Variants in GRTP1 observed in about 807,000 individuals in gnomAD.
GRTP1 encodes growth hormone regulated TBC protein 1, also known as growth hormone-regulated TBC protein 1.
Under a neutral mutation model 38.1 loss-of-function variants are expected in GRTP1, and 56 were observed. That is an observed-to-expected ratio of 1.47 (90% CI 1.19 to 1.84). The LOEUF is 1.84. Among genes scored for constraint, GRTP1 ranks in the 40% most tolerant of loss-of-function variants. The pLI is 0.00. For synonymous variants in GRTP1, 217 were observed against 189.5 expected, an observed-to-expected ratio of 1.14 and a Z score of -1.19; for missense variants, 506 against 453.9, an observed-to-expected ratio of 1.11 and a Z score of -1.04.
chr13:113,349,972 TA>T lies in GRTP1; in HGVS notation c.465+876del, dbSNP rs1189487455. 2.0e-5 allele frequency among the ~76,000 whole-genome samples: 3 copies of T among 152,104 alleles called. No homozygotes were observed. The highest frequency in any genetic ancestry group is 4.4e-5 in the Non-Finnish European group (3 of 68,016). On this transcript the variant is annotated intron_variant, in intron 4 of 7. Coordinates refer to ENST00000375431, the MANE Select transcript of GRTP1 (RefSeq NM_024719.4). The surrounding 1 kb of genome is among the most constrained non-coding windows in gnomAD (Gnocchi z 5.0). The stretch of plus-strand genomic sequence containing the variant: ...CTAGGAGCCCGTGAAGCACATGGCC[TA>T]AAATGCCAGGAACGCACTCTCCAAT...
Position 113,329,461 on chromosome 13 carries a change from C to CCAGCTACT in GRTP1, c.563-3378_563-3371dup, listed in dbSNP as rs1398763440. Among the ~76,000 whole-genome samples, 5 of 152,192 alleles carry CCAGCTACT rather than the reference C, an allele frequency of 3.3e-5. 1 individual carries two copies. The highest frequency in any genetic ancestry group is 4.1e-4 in the South Asian group (2 of 4,820). ...GGCGTGGTGGCCAGCACCTGTAATC[C>CCAGCTACT]CAGCTACTCAGCTACTCAGGAGGCT... On this transcript the variant is annotated intron_variant, in intron 5 of 7. Transcript: ENST00000375431.
At chr13:113,362,850 C>A (rs2043523115) in intron 2 of GRTP1, among the ~76,000 whole-genome samples, 1 of 152,126 alleles carries the variant, frequency 6.6e-6, no homozygotes, top group Non-Finnish European at 1.5e-5. Flanking sequence ...CCAGGACTCC[C>A]CTTTGACCCC....
At chr13:113,327,162 G>A (rs960512134) in intron 5 of GRTP1, among the ~76,000 whole-genome samples, 1 of 152,074 alleles carries the variant, frequency 6.6e-6, no homozygotes, top group Non-Finnish European at 1.5e-5. Flanking sequence ...TTTTTAACTT[G>A]TTCATGTAAT....
chr13:113,344,111 G>GAT (rs982953962), intron 5 of GRTP1, among the ~76,000 whole-genome samples: 5 of 152,178 alleles, frequency 3.3e-5, no homozygotes, highest in Non-Finnish European at 5.9e-5. Context: ...AGCAACCATG[G>GAT]ATATATATAG....
intron 5 of GRTP1, among the ~76,000 whole-genome samples, chr13:113,330,688 G>A (rs74873937): frequency 2.6e-5 from 2 of 75,588 alleles, no homozygotes; most frequent in African/African-American, 9.6e-5. Context: ...GTGTGCATGG[G>A]AGCCCAGGTG....
rs116093984 is a variant in GRTP1 at position 113,348,322 on chromosome 13, G to T, written c.465+2527C>A. Among the ~76,000 whole-genome samples the T allele has an allele frequency of 7.1e-3, 1,084 of 152,212 alleles. 19 individuals are homozygous for T. The highest frequency in any genetic ancestry group is 0.025 in the African/African-American group (1,042 of 41,534). ...ACAAAAATTACTCGAGCGTGGTGGCGCACCTGTGGTCCCAGCTACTCAGGA... is the reference window on the plus strand; with the variant it reads ...ACAAAAATTACTCGAGCGTGGTGGCTCACCTGTGGTCCCAGCTACTCAGGA... On this transcript the variant is annotated intron_variant, in intron 4 of 7. Coordinates refer to ENST00000375431, the MANE Select transcript of GRTP1 (RefSeq NM_024719.4). The surrounding 1 kb of genome is among the most constrained non-coding windows in gnomAD (Gnocchi z 4.8).
In GRTP1 at chr13:113,343,354, G is replaced by A. The variant is rs2043052086; in HGVS notation, c.562+1509C>T. Reference sequence around the variant, plus strand: ...TGCTGCTGCTGCACTGGGTCCCTGGGCCCCAGCCGGGTCAACAGCTCTTCC... The same window carrying A: ...TGCTGCTGCTGCACTGGGTCCCTGGACCCCAGCCGGGTCAACAGCTCTTCC... On this transcript the variant is annotated intron_variant, in intron 5 of 7. Coordinates refer to ENST00000375431, the MANE Select transcript of GRTP1 (RefSeq NM_024719.4). The surrounding 1 kb of genome is among the most constrained non-coding windows in gnomAD (Gnocchi z 4.8). Among the ~76,000 whole-genome samples the A allele has an allele frequency of 6.6e-6, 1 of 152,154 alleles. No homozygotes were observed. Among genetic ancestry groups the A allele is most frequent in the South Asian group, 2.1e-4 (1 of 4,830 alleles).
intron 2 of GRTP1, among the ~76,000 whole-genome samples, 177 bp downstream of exon 2, chr13:113,363,585 C>G (rs999637724): frequency 2.6e-5 from 4 of 152,196 alleles, no homozygotes; most frequent in African/African-American, 9.6e-5. Flanking sequence ...GCCGGCCCAT[C>G]TCAAAGCGGG....
chr13:113,327,845 C>A (rs941938231), intron 5 of GRTP1, among the ~76,000 whole-genome samples: 3 of 152,186 alleles, frequency 2.0e-5, no homozygotes, highest in Admixed American at 6.5e-5. Context: ...GGCAGGGGGG[C>A]TTGAGTGCCA....
intron 5 of GRTP1, among the ~76,000 whole-genome samples, chr13:113,331,200 G>A (rs571623157): frequency 1.3e-5 from 2 of 152,276 alleles, no homozygotes; most frequent in South Asian, 4.1e-4. Context: ...AGAAGCACCT[G>A]CCCAGCCCCG....
intron 7 of GRTP1, 150 bp from the exon 8 acceptor site, chr13:113,324,727 C>T (rs1256903581): frequency 1.4e-6 from 2 of 1,421,502 alleles, no homozygotes; most frequent in Non-Finnish European, 1.8e-6. Flanking sequence ...CACAGATTGT[C>T]ACCATCTCAC....
chr13:113,337,935 G>A (rs1320461906), intron 5 of GRTP1, among the ~76,000 whole-genome samples: 1 of 152,282 alleles, frequency 6.6e-6, no homozygotes, highest in Non-Finnish European at 1.5e-5. Context: ...ATCTCAGCCA[G>A]TCCTCCCAGC....
At chr13:113,360,586 C>G (rs568179191) in intron 2 of GRTP1, among the ~76,000 whole-genome samples, 1 of 152,270 alleles carries the variant, frequency 6.6e-6, no homozygotes, top group African/African-American at 2.4e-5. Flanking sequence ...TCATGGGCAC[C>G]CTGACGGTCA....
At chr13:113,355,530 G>A (rs2043370377) in intron 2 of GRTP1, 49 bp from the exon 3 acceptor site, 5 of 1,536,152 alleles carry the variant, frequency 3.3e-6, no homozygotes, top group South Asian at 1.2e-5. Context: ...AGGGGCCTGC[G>A]GGGCCCACGC....
intron 3 of GRTP1, among the ~76,000 whole-genome samples, chr13:113,354,299 C>T (rs1342169661): frequency 1.3e-5 from 2 of 152,156 alleles, no homozygotes; most frequent in Non-Finnish European, 2.9e-5. Context: ...CAGCTCCCAG[C>T]CTTGGGAGCC....
Position 113,324,270 on chromosome 13 carries a change from A to C in GRTP1, c.*218T>G. ...ATATATTATTGATCTCTCAGGTAAA[A>C]ATAAGTTTTCTTTAAAAAGTATGAC... On this transcript the variant is annotated 3_prime_UTR_variant, in exon 8 of 8. Transcript: ENST00000375431. 1.8e-6 allele frequency: 1 copy of C among 566,924 alleles called. No individual in the cohort carries two copies. Among genetic ancestry groups the C allele is most frequent in the East Asian group, 3.4e-5 (1 of 29,278 alleles). The allele number at this position is 566,924 out of a possible 1,614,324, so 35.1% of individuals were successfully genotyped here. A position where few individuals can be genotyped will look rare whatever the true frequency, so the allele number is the denominator to read the frequency against.
intron 3 of GRTP1, chr13:113,352,099 T>TTG (rs1313659021): frequency 6.7e-6 from 1 of 148,998 alleles, no homozygotes; most frequent in Non-Finnish European, 1.5e-5. Flanking sequence ...AAAAGAGCCT[T>TTG]TTTTTTTTTC....
intron 5 of GRTP1, among the ~76,000 whole-genome samples, chr13:113,328,708 GAGA>G (rs1268708179): frequency 2.0e-5 from 3 of 152,226 alleles, no homozygotes; most frequent in African/African-American, 4.8e-5. Flanking sequence ...TTTTTGTAGA[GAGA>G]AGGTTTTACC....
chr13:113,335,300 G>A (rs184786090), intron 5 of GRTP1, among the ~76,000 whole-genome samples: 11 of 152,036 alleles, frequency 7.2e-5, no homozygotes, highest in African/African-American at 2.7e-4. Context: ...GTGTGTGCCT[G>A]TAATCCCAGC....
Sources: gnomAD v4.1 joint callset for allele counts (sites outside exome capture counted in the v4.1 genomes callset) on GRCh38, gnomAD v4.1.1 for gene constraint, Gnocchi (gnomAD v3.1) non-coding constraint, MANE v1.5 for transcripts, NCBI Gene and HGNC (gene_info 2026-07-23, HGNC 2026-07-21) for gene names.